The following P3H1 variants were observed in gnomAD, a reference collection of about 807,000 sequenced individuals.
P3H1 encodes prolyl 3-hydroxylase 1.
P3H1 carries 69 observed loss-of-function variants against 84.0 expected under a neutral mutation model. That is an observed-to-expected ratio of 0.82 (90% CI 0.68 to 1.00). The LOEUF (loss-of-function observed/expected upper bound fraction) is 1.00. Among genes scored for constraint, P3H1 ranks in the 50% least tolerant of loss-of-function variants. The pLI, the probability that P3H1 is intolerant of heterozygous loss-of-function variation, is 0.00. For missense variants in P3H1, 878 were observed against 962.8 expected (o/e 0.91, Z 1.17); for synonymous variants, 366 against 388.8 (o/e 0.94, Z 0.69).
At position 42,759,372 on chromosome 1, in the gene P3H1, C is replaced by T. The variant is rs746488197; in HGVS notation, c.637G>A (p.Val213Met). Residue 213 changes from valine (V) to methionine (M), a missense_variant, in exon 3 of 15, where the codon GTG becomes ATG. Transcript: ENST00000296388. ...QPHMQEFRLG[V>M]RLYSEEQPQE... ...GGCTGTTCCTCTGAGTAGAGTCGCA[C>T]TCCCAGTCGAAATTCTTGCTACTGG... 6.2e-7 allele frequency: 1 copy of T among 1,614,156 alleles called. No individual in the cohort carries two copies.
intron 4 of P3H1, 77 bp downstream of exon 4, chr1:42,758,775 T>C (rs1305726465): frequency 2.0e-6 from 3 of 1,522,744 alleles, no homozygotes; most frequent in Non-Finnish European, 2.7e-6. Context: ...AGGAAGTAAG[T>C]GGCTGTAATC....
intron 12 of P3H1, 96 bp downstream of exon 12, chr1:42,748,102 AGT>A (rs995371869): frequency 2.2e-5 from 19 of 871,472 alleles, no homozygotes; most frequent in Non-Finnish European, 2.8e-5. Context: ...AGCCCCAACC[AGT>A]GTGTGTGTGC....
At chr1:42,758,687 C>T (rs962810037) in intron 4 of P3H1, among the ~76,000 whole-genome samples, 165 bp downstream of exon 4, 1 of 152,200 alleles carries the variant, frequency 6.6e-6, no homozygotes. Context: ...CTTCCTAGGC[C>T]AGTTGTTTAT....
At chr1:42,762,879 CTCAGG>C (rs1205254835) in intron 1 of P3H1, among the ~76,000 whole-genome samples, 1 of 152,060 alleles carries the variant, frequency 6.6e-6, no homozygotes, top group Non-Finnish European at 1.5e-5. Flanking sequence ...ATCACTTGAG[CTCAGG>C]AGTTCAAGAC....
In P3H1 at chr1:42,757,771, G is replaced by C. The variant is rs1231379653; in HGVS notation, c.1080+12C>G. Reference sequence around the variant, plus strand: ...CAGCTGGCAGCTGTCATAACAGAAGGAAGTCTCTCACCTCACGGGGGCCGA... The same window carrying C: ...CAGCTGGCAGCTGTCATAACAGAAGCAAGTCTCTCACCTCACGGGGGCCGA... On this transcript the variant is annotated intron_variant, in intron 5 of 14. Transcript: ENST00000296388. The C allele has an allele frequency of 2.3e-5, 37 of 1,614,086 alleles. No individual in the cohort carries two copies. The highest frequency in any genetic ancestry group is 3.1e-5 in the Non-Finnish European group (36 of 1,180,048).
rs1278589008 is a variant in P3H1 at position 42,766,962 on chromosome 1, G to C, written c.10C>G (p.Arg4Gly). Residue 4 changes from arginine (R) to glycine (G), a missense_variant, in exon 1 of 15, where the codon CGC (arginine) becomes GGC (glycine). By Grantham distance (125) the Arg-to-Gly change is moderately radical. Coordinates refer to ENST00000296388, the MANE Select transcript of P3H1 (RefSeq NM_022356.4). MAV[R>G]ALKLLTTLLA... is the part of the protein sequence containing the mutation. ...AGTGTGGTCAGCAGCTTCAACGCGC[G>C]TACCGCCATCGCTCCCTCAGACCTA... 1 of 1,608,362 alleles carries C rather than the reference G, an allele frequency of 6.2e-7. No individual in the cohort carries two copies. The highest frequency in any genetic ancestry group is 8.5e-7 in the Non-Finnish European group (1 of 1,179,790).
At position 42,766,893 on chromosome 1, in the gene P3H1, C is replaced by T. The variant is rs746863189; in HGVS notation, c.79G>A (p.Glu27Lys). 4.2e-5 allele frequency: 68 copies of T among 1,608,796 alleles called. 1 individual carries two copies. In the South Asian group the frequency reaches 5.5e-4, roughly 13 times the overall value. Residue 27 changes from glutamate to lysine, a missense_variant, in exon 1 of 15, where the codon GAG (glutamate) becomes AAG (lysine). Coordinates refer to ENST00000296388, the MANE Select transcript of P3H1 (RefSeq NM_022356.4). ...AAASQAEVES[E>K]AGWGMVTPDL... ...GGCGTCACCATGCCCCATCCTGCCT[C>T]GGACTCGACCTCGGCTTGGGAGGCA...
intron 2 of P3H1, 109 bp downstream of exon 2, chr1:42,762,214 T>C (rs1652756485): frequency 1.8e-6 from 2 of 1,119,246 alleles, no homozygotes; most frequent in Non-Finnish European, 2.7e-6. Flanking sequence ...GAGGTTACAG[T>C]GAGCTATGAT....
intron 11 of P3H1, chr1:42,748,545 G>A: frequency 1.7e-6 from 1 of 573,240 alleles, no homozygotes; most frequent in Non-Finnish European, 3.2e-6. Flanking sequence ...AGGAATGAAG[G>A]GCTCCAACCA....
intron 10 of P3H1, 88 bp downstream of exon 10, chr1:42,752,186 C>A (rs1390390742): frequency 2.7e-6 from 3 of 1,116,220 alleles, no homozygotes; most frequent in Non-Finnish European, 4.1e-6. Flanking sequence ...ACCTTTCCTG[C>A]CACCAGCCCC....
At chr1:42,747,013 G>A (rs948506337) in intron 14 of P3H1, 161 bp from the exon 15 acceptor site, 17 of 1,614,114 alleles carry the variant, frequency 1.1e-5, no homozygotes, top group Non-Finnish European at 1.4e-5. Context: ...GCTGAAGTGG[G>A]GCCCAAGGAG....
At position 42,748,243 on chromosome 1, in the gene P3H1, C is replaced by A. The variant is rs140254470; in HGVS notation, c.1795G>T (p.Val599Leu). Residue 599 changes from valine to leucine, a missense_variant, in exon 12 of 15, where the codon GTG becomes TTG. Coordinates refer to ENST00000296388, the MANE Select transcript of P3H1 (RefSeq NM_022356.4). ...DNCILNAETL[V>L]CVKEPPAYTF... ...TAGGCTGGGGGCTCTTTGACACACACGAGGGTCTCGGCATTCAGGATGCAG... is the reference window on the plus strand; with the variant it reads ...TAGGCTGGGGGCTCTTTGACACACAAGAGGGTCTCGGCATTCAGGATGCAG... 1 of 1,613,974 alleles carries A rather than the reference C, an allele frequency of 6.2e-7. No individual in the cohort carries two copies. Among genetic ancestry groups the A allele is most frequent in the Non-Finnish European group, 8.5e-7 (1 of 1,180,032 alleles).
chr1:42,746,572 G>T lies in P3H1; in HGVS notation c.*125C>A, dbSNP rs1651718140. 1.3e-6 allele frequency: 1 copy of T among 752,718 alleles called. No individual in the cohort carries two copies. 46.6% of individuals were successfully genotyped at this position (752,718 alleles called of 1,614,324 possible). ...GCACCATGTAGAAGGCTGTGAGCAGGGTCCCCTCGGCTGAGTGGCAGATGT... is the reference window on the plus strand; with the variant it reads ...GCACCATGTAGAAGGCTGTGAGCAGTGTCCCCTCGGCTGAGTGGCAGATGT... On this transcript the variant is annotated 3_prime_UTR_variant, in exon 15 of 15. Coordinates refer to ENST00000296388, the MANE Select transcript of P3H1 (RefSeq NM_022356.4).
At chr1:42,747,686 T>G in intron 13 of P3H1, 37 bp downstream of exon 13, 1 of 1,609,834 alleles carries the variant, frequency 6.2e-7, no homozygotes, top group South Asian at 1.1e-5. Context: ...AAAACAGACT[T>G]TTTATCTCCC....
At chr1:42,755,267 T>G (rs1336233952) in intron 6 of P3H1, 50 bp from the exon 7 acceptor site, 3 of 1,554,078 alleles carry the variant, frequency 1.9e-6, no homozygotes, top group East Asian at 4.5e-5. Context: ...TACTTAATCT[T>G]CCAGGTGTCT....
chr1:42,752,516 C>A (rs751266865), intron 9 of P3H1, 21 bp downstream of exon 9: 101 of 1,613,802 alleles, frequency 6.3e-5, no homozygotes, highest in Non-Finnish European at 8.1e-5. Context: ...GGGGAAGGTG[C>A]AGTCACTGGG....
At chr1:42,756,828 A>G (rs1376456227) in intron 5 of P3H1, among the ~76,000 whole-genome samples, 1 of 152,226 alleles carries the variant, frequency 6.6e-6, no homozygotes, top group Non-Finnish European at 1.5e-5. Context: ...GCCACTGCAC[A>G]AGTTACTTCA....
chr1:42,765,654 C>T (rs146551331), intron 1 of P3H1, among the ~76,000 whole-genome samples: 91 of 152,176 alleles, frequency 6.0e-4, no homozygotes, highest in Admixed American at 1.2e-3. Context: ...ATCTGAGGTC[C>T]CCAAGAGTCT....
intron 3 of P3H1, 23 bp from the exon 4 acceptor site, chr1:42,759,006 A>G (rs1652554689): frequency 6.2e-7 from 1 of 1,614,030 alleles, no homozygotes; most frequent in Non-Finnish European, 8.5e-7. Context: ...AAACAGAAGG[A>G]ATAACTATGA....
Sources: allele counts gnomAD v4.1 joint callset (sites outside exome capture counted in the v4.1 genomes callset), GRCh38; gene constraint gnomAD v4.1.1; transcripts MANE v1.5; gene names NCBI Gene and HGNC (gene_info 2026-07-23, HGNC 2026-07-21).